EGFL6: variants seen among roughly 807,000 people sequenced by gnomAD.
EGFL6 encodes epidermal growth factor-like protein 6.
In EGFL6, 42 loss-of-function variants were observed where a neutral mutation model predicts 43.1. That is an observed-to-expected ratio of 0.98 (90% CI 0.76 to 1.26). The LOEUF is 1.26. Among genes scored for constraint, EGFL6 ranks in the 50% most tolerant of loss-of-function variants. EGFL6 has a pLI of 0.00. For missense variants in EGFL6, 429 were observed against 427.8 expected (o/e 1.00, Z -0.02); for synonymous variants, 164 against 163.2 (o/e 1.01, Z -0.04).
chrX:13,611,138 C>T (rs904387520), intron 7 of EGFL6, among the ~76,000 whole-genome samples: 3 of 111,194 alleles, frequency 2.7e-5, no homozygotes, highest in African/African-American at 6.6e-5. Context: ...GAATCACCTT[C>T]CAAGTAAGTC....
At chrX:13,612,091 GGA>G (rs2146700832) in intron 7 of EGFL6, among the ~76,000 whole-genome samples, 1 of 109,289 alleles carries the variant, frequency 9.2e-6, no homozygotes, top group South Asian at 4.1e-4. Flanking sequence ...GGTGTTTCTC[GGA>G]GAGGGGGATT....
chrX:13,600,206 G>T, intron 4 of EGFL6, 112 bp downstream of exon 4: 2 of 706,910 alleles, frequency 2.8e-6, no homozygotes, highest in Admixed American at 4.1e-5. Flanking sequence ...CTCTAATATT[G>T]CCCCCAGCTA....
At chrX:13,597,644 C>T (rs775818913) in intron 3 of EGFL6, among the ~76,000 whole-genome samples, 35 of 111,239 alleles carry the variant, frequency 3.1e-4, no homozygotes, top group Non-Finnish European at 5.3e-4. Flanking sequence ...ATTAGCCAGG[C>T]GTGGTGGCGA....
chrX:13,597,522 A>G lies in EGFL6; in HGVS notation c.281-2453A>G, dbSNP rs183771585. ...ATTCAGGGTGGGCACAGTGGCTCACACCTGTAATTCCGGCACTTAGGGAGG... is the reference window on the plus strand; with the variant it reads ...ATTCAGGGTGGGCACAGTGGCTCACGCCTGTAATTCCGGCACTTAGGGAGG... On this transcript the variant is annotated intron_variant, in intron 3 of 11. Coordinates refer to ENST00000361306, the MANE Select transcript of EGFL6 (RefSeq NM_015507.4). Among the ~76,000 whole-genome samples, 8 of 112,019 alleles carry G rather than the reference A, an allele frequency of 7.1e-5. No individual in the cohort carries two copies. The South Asian group carries it at 1.1e-3, about 16-fold the overall frequency.
rs2045430818 is a variant in EGFL6, at chrX:13,569,923, G to C, written c.62G>C (p.Gly21Ala). 8.3e-7 allele frequency: 1 copy of C among 1,210,393 alleles called. No homozygotes were observed. ...CTCTCCTGGGTGGCAGGTGGTTTCG[G>C]GAACGCGGCCAGGTGAGTGTCTGAC... ...LLLSWVAGGF[G>A]NAASARHHGL... Residue 21 changes from glycine (G) to alanine (A), a missense_variant, in exon 1 of 12, where the codon GGG (glycine) becomes GCG (alanine). By Grantham distance (60) the Gly-to-Ala change is moderately conservative. Coordinates refer to ENST00000361306, the MANE Select transcript of EGFL6 (RefSeq NM_015507.4).
rs1046969396 is a variant in EGFL6, at chrX:13,603,440, C to T, written c.520+4C>T. On this transcript the variant is annotated splice_donor_region_variant and intron_variant, in intron 5 of 11. Coordinates refer to ENST00000361306, the MANE Select transcript of EGFL6 (RefSeq NM_015507.4). Reference sequence around the variant, plus strand: ...CCAAATGGAAGAGACTGTCTAGGTACAACAGCAGGAATCACCTCTACTCCT... The same window carrying T: ...CCAAATGGAAGAGACTGTCTAGGTATAACAGCAGGAATCACCTCTACTCCT... 8.4e-7 allele frequency: 1 copy of T among 1,197,528 alleles called. No homozygotes were observed. Among genetic ancestry groups the T allele is most frequent in the African/African-American group, 1.8e-5 (1 of 56,701 alleles).
chrX:13,573,961 T>G (rs867514196), intron 1 of EGFL6, among the ~76,000 whole-genome samples: 2 of 112,517 alleles, frequency 1.8e-5, no homozygotes. Context: ...ACCACCACTT[T>G]CCTTTCTAAG....
chrX:13,602,170 G>C lies in EGFL6; in HGVS notation c.401-1147G>C, dbSNP rs768868458. On this transcript the variant is annotated intron_variant, in intron 4 of 11. Transcript: ENST00000361306. ...CAGATAGCCCTAGAACTCTCTCCTG[G>C]ATGCTGATTGGATTCCACCAGGCCC... is the stretch of plus-strand genomic sequence containing the variant. 2.7e-5 allele frequency among the ~76,000 whole-genome samples: 3 copies of C among 110,853 alleles called. No homozygotes were observed. In the Admixed American group the frequency reaches 2.9e-4, roughly 11 times the overall value.
At chrX:13,596,422 A>T (rs2045597797) in intron 3 of EGFL6, 2 of 111,990 alleles carry the variant, frequency 1.8e-5, no homozygotes, top group South Asian at 7.5e-4. Flanking sequence ...CCTTCAGTCA[A>T]GGGTATATTA....
chrX:13,570,011 G>T, intron 1 of EGFL6, 76 bp downstream of exon 1: 1 of 971,134 alleles, frequency 1.0e-6, no homozygotes, highest in Non-Finnish European at 1.5e-6. Context: ...TGTCTTTGCA[G>T]GCACCCCCGC....
intron 1 of EGFL6, among the ~76,000 whole-genome samples, chrX:13,581,744 G>A (rs981353837): frequency 4.5e-5 from 5 of 112,069 alleles, no homozygotes; most frequent in African/African-American, 1.6e-4. Context: ...AACTTCAGCT[G>A]TGGAGACGGC....
chrX:13,610,451 C>G (rs1036219963), intron 7 of EGFL6, among the ~76,000 whole-genome samples: 1 of 111,390 alleles, frequency 9.0e-6, no homozygotes, highest in Non-Finnish European at 1.9e-5. Flanking sequence ...TAAATGACCA[C>G]TTAGTGTCCA....
intron 11 of EGFL6, among the ~76,000 whole-genome samples, chrX:13,629,244 G>A (rs917157471): frequency 1.8e-5 from 2 of 112,070 alleles, no homozygotes; most frequent in African/African-American, 6.5e-5. Context: ...AGCATGGTTT[G>A]GGGACTGTGG....
At chrX:13,619,085 T>C in intron 8 of EGFL6, 78 bp from the exon 9 acceptor site, 1 of 765,009 alleles carries the variant, frequency 1.3e-6, no homozygotes, top group Non-Finnish European at 2.0e-6. Context: ...ACCTTCTTTG[T>C]TTGGTCATTT....
intron 10 of EGFL6, among the ~76,000 whole-genome samples, chrX:13,624,516 C>T (rs1488368510): frequency 9.0e-6 from 1 of 110,921 alleles, no homozygotes; most frequent in Non-Finnish European, 1.9e-5. Context: ...CTGTGAGCTG[C>T]GGATTTCCCA....
At chrX:13,571,117 C>CCAT (rs2045440460) in intron 1 of EGFL6, among the ~76,000 whole-genome samples, 1 of 93,073 alleles carries the variant, frequency 1.1e-5, no homozygotes, top group East Asian at 4.0e-4. Flanking sequence ...CCCCCCACCA[C>CCAT]CACCACCACC....
intron 9 of EGFL6, among the ~76,000 whole-genome samples, chrX:13,621,915 C>T (rs2045750671): frequency 8.9e-6 from 1 of 112,459 alleles, no homozygotes; most frequent in Admixed American, 9.4e-5. Flanking sequence ...TGAGTTTTAT[C>T]TCTGTATGGA....
intron 1 of EGFL6, among the ~76,000 whole-genome samples, chrX:13,585,564 A>AT (rs1305557814): frequency 2.4e-4 from 26 of 107,394 alleles, no homozygotes; most frequent in East Asian, 1.4e-3. Context: ...GATTATACTG[A>AT]TTTTTTTTTT....
At chrX:13,614,936 C>G (rs772456379) in intron 7 of EGFL6, among the ~76,000 whole-genome samples, 2 of 111,002 alleles carry the variant, frequency 1.8e-5, no homozygotes, top group African/African-American at 6.6e-5. Context: ...TTAGTAGAGA[C>G]GGTGTTTCAC....
Sources: allele counts gnomAD v4.1 joint callset (sites outside exome capture counted in the v4.1 genomes callset), GRCh38; gene constraint gnomAD v4.1.1; transcripts MANE v1.5; gene names NCBI Gene and HGNC (gene_info 2026-07-23, HGNC 2026-07-21).